Variants in RGS22 observed in about 807,000 individuals in gnomAD.
RGS22 encodes regulator of G protein signaling 22, also known as regulator of G-protein signaling 22.
Under a neutral mutation model 172.9 loss-of-function variants are expected in RGS22, and 148 were observed. The ratio of observed to expected loss-of-function variants is 0.86; its 90% CI spans 0.75 to 0.98. The LOEUF (loss-of-function observed/expected upper bound fraction) is 0.98. RGS22 is among the 50% of genes least tolerant of loss of function. RGS22 has a pLI of 0.00. For synonymous variants in RGS22, 458 were observed against 480.2 expected (o/e 0.95, Z 0.60); for missense variants, 1,347 against 1,440.8 (o/e 0.93, Z 1.05).
At chr8:99,976,716 C>G (rs572935494) in intron 23 of RGS22, among the ~76,000 whole-genome samples, 65 of 152,132 alleles carry the variant, frequency 4.3e-4, no homozygotes, top group Admixed American at 3.3e-3. Flanking sequence ...AATGACTGCT[C>G]CTAGATATAG....
At chr8:99,971,437 GTC>G (rs1318335205) in intron 23 of RGS22, among the ~76,000 whole-genome samples, 62 of 152,276 alleles carry the variant, frequency 4.1e-4, no homozygotes, top group African/African-American at 1.4e-3. Context: ...AAGTCAAATT[GTC>G]TCTGTTTGCA....
intron 2 of RGS22, among the ~76,000 whole-genome samples, chr8:100,097,419 T>C (rs560427212): frequency 5.6e-4 from 86 of 152,336 alleles, no homozygotes; most frequent in Non-Finnish European, 1.0e-3. Context: ...TAACTTACTT[T>C]GAAATGCATA....
chr8:100,071,153 T>C (rs1194781238), intron 6 of RGS22, among the ~76,000 whole-genome samples: 1 of 151,816 alleles, frequency 6.6e-6, no homozygotes. Context: ...CCAGGTGTGG[T>C]GATGCATGCC....
At chr8:100,091,745 T>G (rs1314159837) in intron 3 of RGS22, 1 of 152,302 alleles carries the variant, frequency 6.6e-6, no homozygotes, top group African/African-American at 2.4e-5. Context: ...GTACTTGTTT[T>G]GGAGGGAGAG....
chr8:100,064,165 G>A (rs1400152680), intron 7 of RGS22, 122 bp from the exon 8 acceptor site: 9 of 689,280 alleles, frequency 1.3e-5, no homozygotes, highest in Admixed American at 3.0e-5. Flanking sequence ...TGCATGGACC[G>A]GTGTCTTAAG....
intron 14 of RGS22, among the ~76,000 whole-genome samples, chr8:100,022,999 A>T (rs948556056): frequency 6.6e-6 from 1 of 152,066 alleles, no homozygotes; most frequent in African/African-American, 2.4e-5. Context: ...CAAAATGCTG[A>T]GATAAATAAT....
intron 14 of RGS22, among the ~76,000 whole-genome samples, chr8:100,036,157 T>TAA (rs571539138): frequency 7.0e-6 from 1 of 143,348 alleles, no homozygotes. Flanking sequence ...ATCTCCAAAT[T>TAA]AAAAAAAAAA....
intron 14 of RGS22, among the ~76,000 whole-genome samples, chr8:100,033,681 C>A (rs1192907039): frequency 3.3e-5 from 5 of 151,860 alleles, no homozygotes; most frequent in Non-Finnish European, 2.9e-5. Flanking sequence ...AATTTTAGAC[C>A]AACATCTCTG....
chr8:100,059,985 C>G (rs117001547), intron 9 of RGS22, among the ~76,000 whole-genome samples: 2,284 of 152,250 alleles, frequency 0.015, 30 homozygotes, highest in Non-Finnish European at 0.022. Flanking sequence ...CTCAGTCTCC[C>G]AAAGTGCTGA....
intron 23 of RGS22, among the ~76,000 whole-genome samples, chr8:99,969,436 C>G (rs1003093759): frequency 5.3e-5 from 8 of 152,116 alleles, no homozygotes; most frequent in African/African-American, 1.9e-4. Flanking sequence ...TTAAAAGACA[C>G]AAACTGGCAA....
chr8:100,095,594 A>T (rs1276467575), intron 2 of RGS22, among the ~76,000 whole-genome samples: 1 of 152,174 alleles, frequency 6.6e-6, no homozygotes, highest in African/African-American at 2.4e-5. Flanking sequence ...TTTGTTATTA[A>T]ATTTAACAGA....
intron 19 of RGS22, 150 bp from the exon 20 acceptor site, chr8:99,996,680 A>G (rs1451259729): frequency 1.5e-6 from 1 of 686,486 alleles, no homozygotes; most frequent in Non-Finnish European, 2.4e-6. Flanking sequence ...TTAAAAATGG[A>G]AGCCCTGTGG....
At chr8:100,090,925 G>A (rs1812528138) in intron 3 of RGS22, among the ~76,000 whole-genome samples, 1 of 152,064 alleles carries the variant, frequency 6.6e-6, no homozygotes, top group South Asian at 2.1e-4. Flanking sequence ...AACAGAGCAG[G>A]AAGTAACATG....
At chr8:100,100,619 G>A (rs1171136540) in intron 2 of RGS22, among the ~76,000 whole-genome samples, 2 of 152,022 alleles carry the variant, frequency 1.3e-5, no homozygotes, top group African/African-American at 4.8e-5. Flanking sequence ...TCCAAGTTTG[G>A]GTGAATCCAC....
intron 18 of RGS22, among the ~76,000 whole-genome samples, chr8:100,001,267 C>A (rs1588947443): frequency 9.9e-6 from 1 of 100,894 alleles, no homozygotes; most frequent in East Asian, 3.0e-4. Flanking sequence ...CAGTCTCACT[C>A]ACTCTGTTGT....
intron 2 of RGS22, among the ~76,000 whole-genome samples, chr8:100,103,682 C>A (rs548989646): frequency 1.3e-5 from 2 of 152,064 alleles, no homozygotes; most frequent in East Asian, 3.9e-4. Context: ...GAGGAGCTCA[C>A]CCAGAGAAAG....
At chr8:99,977,369 C>G (rs1375073915) in intron 23 of RGS22, among the ~76,000 whole-genome samples, 1 of 151,026 alleles carries the variant, frequency 6.6e-6, no homozygotes, top group Non-Finnish European at 1.5e-5. Context: ...GCAATCCGCC[C>G]GTCTCGGCCT....
At chr8:99,973,712 C>A (rs545605935) in intron 23 of RGS22, among the ~76,000 whole-genome samples, 11 of 151,464 alleles carry the variant, frequency 7.3e-5, no homozygotes, top group Non-Finnish European at 1.3e-4. Context: ...TACTAAAAAT[C>A]CAAAAAATTA....
At chr8:100,031,829 C>T (rs992872184) in intron 14 of RGS22, among the ~76,000 whole-genome samples, 4 of 152,084 alleles carry the variant, frequency 2.6e-5, no homozygotes, top group South Asian at 2.1e-4. Flanking sequence ...TCGGCAGAAA[C>T]GCTATAAGCC....
Sources: allele counts gnomAD v4.1 joint callset (sites outside exome capture counted in the v4.1 genomes callset), GRCh38; gene constraint gnomAD v4.1.1; transcripts MANE v1.5; gene names NCBI Gene and HGNC (gene_info 2026-07-23, HGNC 2026-07-21).